The following ITGA9 variants were observed in gnomAD, a reference collection of about 807,000 sequenced individuals.
ITGA9 encodes the protein integrin alpha-9.
ITGA9 carries 56 observed loss-of-function variants against 127.8 expected under a neutral mutation model. The ratio of observed to expected loss-of-function variants is 0.44; its 90% confidence interval spans 0.35 to 0.55. The LOEUF (loss-of-function observed/expected upper bound fraction) is 0.55. Ranked by LOEUF, ITGA9 falls within the 20% of genes least tolerant of loss-of-function variation. ITGA9 has a pLI of 0.00. For missense variants in ITGA9, 1,196 were observed against 1,347.1 expected (o/e 0.89, Z 1.76); for synonymous variants, 508 against 514.5 (o/e 0.99, Z 0.17).
chr3:37,778,235 G>A (rs1242129257), intron 24 of ITGA9, among the ~76,000 whole-genome samples: 1 of 152,210 alleles, frequency 6.6e-6, no homozygotes, highest in Non-Finnish European at 1.5e-5. Context: ...ATGTGGATGG[G>A]ATGGGGCATG....
At chr3:37,701,911 C>T (rs909164719) in intron 18 of ITGA9, among the ~76,000 whole-genome samples, 9 of 152,280 alleles carry the variant, frequency 5.9e-5, no homozygotes, top group South Asian at 2.1e-4. Context: ...ACCACACAGG[C>T]CATCTGGAAG....
rs2282485 is a variant in ITGA9, at chr3:37,629,385, G to C, written c.1839+49G>C. ...CAGCACCCAAGGTGGCAGCTGCACA[G>C]AGCAGAAATAATGGCCCAAAAGTTG... On this transcript the variant is annotated intron_variant, in intron 16 of 27. Coordinates refer to ENST00000264741, the MANE Select transcript of ITGA9 (RefSeq NM_002207.3). The surrounding 1 kb of genome is among the most constrained non-coding windows in gnomAD (Gnocchi z 4.5). 307,415 of 1,603,882 alleles carry C rather than the reference G, an allele frequency of 0.19. 29,961 individuals carry two copies. Among genetic ancestry groups the C allele is most frequent in the East Asian group, 0.23 (10,375 of 44,568 alleles).
chr3:37,643,516 G>T (rs201087285), intron 16 of ITGA9, among the ~76,000 whole-genome samples: 1 of 138,800 alleles, frequency 7.2e-6, no homozygotes, highest in East Asian at 2.1e-4. Flanking sequence ...TTTGCAATTT[G>T]TGGGGGGAAA....
At chr3:37,809,313 A>T (rs189354310) in intron 27 of ITGA9, among the ~76,000 whole-genome samples, 1 of 152,032 alleles carries the variant, frequency 6.6e-6, no homozygotes, top group Admixed American at 6.6e-5. Flanking sequence ...CTCGAACTCC[A>T]GGCCTCAAGC....
chr3:37,752,476 A>C (rs1321962872), intron 23 of ITGA9, among the ~76,000 whole-genome samples: 1 of 152,196 alleles, frequency 6.6e-6, no homozygotes, highest in Non-Finnish European at 1.5e-5. Flanking sequence ...AGCCAACTGA[A>C]GCAGAAACAG....
chr3:37,531,751 G>A (rs1465387663), intron 13 of ITGA9, among the ~76,000 whole-genome samples: 1 of 152,218 alleles, frequency 6.6e-6, no homozygotes, highest in Admixed American at 6.5e-5. Flanking sequence ...TATTTAACAA[G>A]GGTGTTTGCA....
At chr3:37,662,159 T>C (rs1700542622) in intron 17 of ITGA9, among the ~76,000 whole-genome samples, 1 of 152,080 alleles carries the variant, frequency 6.6e-6, no homozygotes, top group African/African-American at 2.4e-5. Context: ...CCCAGCACTT[T>C]GGGCGGCTGA....
rs772355328 is a variant in ITGA9 at position 37,741,745 on chromosome 3, C to T, written c.2250C>T (p.Arg750=). The T allele has an allele frequency of 1.9e-6, 3 of 1,613,748 alleles. No homozygotes were observed. Among genetic ancestry groups the T allele is most frequent in the Non-Finnish European group, 2.5e-6 (3 of 1,179,852 alleles). ...CTCTGCACAGTGGCAACACGGAGCGCTCTGAATCCCTGCATGACAACACCC... is the reference window on the plus strand; with the variant it reads ...CTCTGCACAGTGGCAACACGGAGCGTTCTGAATCCCTGCATGACAACACCC... ...IVTAQSGNTE[R]SESLHDNTLV... Residue 750 remains arginine (R), a synonymous_variant, in exon 21 of 28, where the codon CGC becomes CGT. Transcript: ENST00000264741.
chr3:37,627,987 C>T (rs1001603440), intron 15 of ITGA9, among the ~76,000 whole-genome samples: 1 of 152,154 alleles, frequency 6.6e-6, no homozygotes, highest in Non-Finnish European at 1.5e-5. Flanking sequence ...CAAATTCCTC[C>T]CCGTGTGCCT....
rs998503975 is a variant in ITGA9 at position 37,503,399 on chromosome 3, A to T, written c.742+92A>T. On this transcript the variant is annotated intron_variant, in intron 6 of 27. Transcript: ENST00000264741. ...TTATTGCTTCATTGTTGGAAAGAGG[A>T]GTTAGTTGGCTTTGACGCCTGTTGT... The T allele has an allele frequency of 9.5e-6, 14 of 1,467,716 alleles. No homozygotes were observed. The African/African-American group carries it at 1.7e-4, about 18-fold the overall frequency. 90.9% of individuals were successfully genotyped at this position (1,467,716 alleles called of 1,614,324 possible).
intron 15 of ITGA9, among the ~76,000 whole-genome samples, chr3:37,553,145 C>G (rs1699395017): frequency 6.6e-6 from 1 of 152,136 alleles, no homozygotes; most frequent in Admixed American, 6.5e-5. Context: ...AATTTTCTAT[C>G]TATTCGTACT....
chr3:37,510,569 A>G (rs993494590), intron 8 of ITGA9, among the ~76,000 whole-genome samples: 1 of 152,134 alleles, frequency 6.6e-6, no homozygotes, highest in Non-Finnish European at 1.5e-5. Context: ...TGGTGCAAGG[A>G]GGATGAGATT....
chr3:37,778,491 G>A (rs1012116361), intron 24 of ITGA9, among the ~76,000 whole-genome samples: 2 of 151,958 alleles, frequency 1.3e-5, no homozygotes, highest in East Asian at 1.9e-4. Context: ...GGTAGTGGGC[G>A]CCTGTAATCC....
At position 37,452,166 on chromosome 3, in the gene ITGA9, C is replaced by A. The variant is rs1313128656; in HGVS notation, c.-209C>A. 1 of 153,398 alleles carries A rather than the reference C, an allele frequency of 6.5e-6. No individual in the cohort carries two copies. Among genetic ancestry groups the A allele is most frequent in the Non-Finnish European group, 1.4e-5 (1 of 71,160 alleles). 9.5% of individuals were successfully genotyped at this position (153,398 alleles called of 1,614,324 possible). On this transcript the variant is annotated 5_prime_UTR_variant, in exon 1 of 28. Coordinates refer to ENST00000264741, the MANE Select transcript of ITGA9 (RefSeq NM_002207.3). This position sits in a 1 kb window ranked among gnomAD's most constrained non-coding sequence, Gnocchi z 7.3. ...AGACTTCTCGGGCGGACTGAGGACG[C>A]CGCCGCTCGGGGCCGCCCCTGTGCT...
chr3:37,758,686 AGT>A (rs76985872), intron 23 of ITGA9, among the ~76,000 whole-genome samples: 23,974 of 150,176 alleles, frequency 0.16, 2,088 homozygotes, highest in East Asian at 0.32. Flanking sequence ...AGTCCCTGCT[AGT>A]GTCTCTTCAG....
chr3:37,768,216 G>C (rs183051551), intron 23 of ITGA9, among the ~76,000 whole-genome samples: 36 of 152,218 alleles, frequency 2.4e-4, no homozygotes, highest in Admixed American at 1.1e-3. Flanking sequence ...GCTCTTTAAG[G>C]CTGCTAAGCA....
intron 16 of ITGA9, among the ~76,000 whole-genome samples, chr3:37,639,226 TAA>T (rs1295326999): frequency 1.3e-5 from 2 of 152,196 alleles, no homozygotes; most frequent in Admixed American, 1.3e-4. Flanking sequence ...AGGAGTATTT[TAA>T]AAGACTATAA....
At chr3:37,586,447 T>C (rs1440728555) in intron 15 of ITGA9, among the ~76,000 whole-genome samples, 1 of 152,204 alleles carries the variant, frequency 6.6e-6, no homozygotes, top group East Asian at 1.9e-4. Flanking sequence ...GGAACACAGA[T>C]GTTCCCTCCT....
chr3:37,590,928 C>A (rs1221561194), intron 15 of ITGA9, among the ~76,000 whole-genome samples: 1 of 152,164 alleles, frequency 6.6e-6, no homozygotes, highest in Non-Finnish European at 1.5e-5. Context: ...AACCCCATGT[C>A]CTTAGCGCAG....
Sources: allele counts gnomAD v4.1 joint callset (sites outside exome capture counted in the v4.1 genomes callset), GRCh38; gene constraint gnomAD v4.1.1; non-coding constraint Gnocchi (gnomAD v3.1); transcripts MANE v1.5; gene names NCBI Gene and HGNC (gene_info 2026-07-23, HGNC 2026-07-21).